Variants in SOX30 observed in about 807,000 individuals in gnomAD.
The protein encoded by SOX30 is SRY-box transcription factor 30.
In SOX30, 17 loss-of-function variants were observed where a neutral mutation model predicts 58.6. The ratio of observed to expected loss-of-function variants is 0.29; its 90% CI spans 0.20 to 0.44. SOX30 has a LOEUF of 0.44. SOX30 is among the 20% of genes least tolerant of loss of function. The pLI is 1.00. For missense variants in SOX30, 951 were observed against 965.8 expected, an observed-to-expected ratio of 0.98 and a Z score of 0.20; for synonymous variants, 421 against 400.2, an observed-to-expected ratio of 1.05 and a Z score of -0.62.
intron 4 of SOX30, among the ~76,000 whole-genome samples, chr5:157,629,032 G>A (rs185256597): frequency 6.6e-6 from 1 of 152,280 alleles, no homozygotes; most frequent in East Asian, 1.9e-4. Flanking sequence ...GATGAAAAGA[G>A]GCTGACTATG....
At chr5:157,632,244 T>C (rs189555025) in intron 4 of SOX30, among the ~76,000 whole-genome samples, 6 of 152,158 alleles carry the variant, frequency 3.9e-5, no homozygotes, top group Non-Finnish European at 4.4e-5. Context: ...TCTCTGATCC[T>C]TTCAGGTGGT....
chr5:157,628,505 C>T (rs1403977371), intron 4 of SOX30, among the ~76,000 whole-genome samples: 1 of 152,030 alleles, frequency 6.6e-6, no homozygotes, highest in Non-Finnish European at 1.5e-5. Context: ...CCCAAATCTT[C>T]AAGTGCTAGG....
intron 2 of SOX30, among the ~76,000 whole-genome samples, chr5:157,666,567 G>A (rs972540717): frequency 2.0e-5 from 3 of 150,482 alleles, no homozygotes; most frequent in Admixed American, 2.0e-4. Flanking sequence ...TCCCATTCAG[G>A]TCATCAAAAT....
chr5:157,663,704 C>A (rs1203816317), intron 2 of SOX30, among the ~76,000 whole-genome samples: 3 of 152,174 alleles, frequency 2.0e-5, no homozygotes, highest in Non-Finnish European at 4.4e-5. Context: ...TTAGAAAACC[C>A]CATTGTCTCA....
At chr5:157,647,544 G>A (rs1759222741) in intron 2 of SOX30, among the ~76,000 whole-genome samples, 1 of 151,758 alleles carries the variant, frequency 6.6e-6, no homozygotes, top group African/African-American at 2.4e-5. Context: ...CAATGCAATA[G>A]TCACTAATGA....
chr5:157,640,693 G>T lies in SOX30; in HGVS notation c.1388-1971C>A, dbSNP rs1231838168. On this transcript the variant is annotated intron_variant, in intron 3 of 4. Coordinates refer to ENST00000265007, the MANE Select transcript of SOX30 (RefSeq NM_178424.2). ...GCCTCCTGGCAAATTCTAGAATGAC[G>T]ATCTAGAATTAGAATGACGATCCTA... Among the ~76,000 whole-genome samples, 7 of 152,134 alleles carry T rather than the reference G, an allele frequency of 4.6e-5. No individual in the cohort carries two copies. In the South Asian group the frequency reaches 6.2e-4, roughly 13 times the overall value.
chr5:157,652,117 C>T lies in SOX30; in HGVS notation c.-39G>A. The T allele has an allele frequency of 1.4e-6, 2 of 1,385,574 alleles. No individual in the cohort carries two copies. Among genetic ancestry groups the T allele is most frequent in the Non-Finnish European group, 1.9e-6 (2 of 1,077,820 alleles). 85.8% of individuals were successfully genotyped at this position (1,385,574 alleles called of 1,614,324 possible). On this transcript the variant is annotated 5_prime_UTR_variant, in exon 1 of 5. Coordinates refer to ENST00000265007, the MANE Select transcript of SOX30 (RefSeq NM_178424.2). ...GCCCCGGCCAGGATTGTGAGCTCAG[C>T]CGTTTGTTGGCGACCTTCCCCCTCC...
intron 3 of SOX30, among the ~76,000 whole-genome samples, chr5:157,641,995 G>A (rs1759074318): frequency 6.6e-6 from 1 of 152,140 alleles, no homozygotes; most frequent in Non-Finnish European, 1.5e-5. Context: ...AGAACAAAAA[G>A]GTTTGGTAGA....
Position 157,626,718 on chromosome 5 carries a change from T to C in SOX30, c.1884A>G (p.Thr628=), listed in dbSNP as rs2113828947. ...CAAAGGGAGGCCGACTGTAAGGGCA[T>C]GTACTGCAGCAGAAAAACACAAACA... is the stretch of plus-strand genomic sequence containing the variant. ...LPGPHYFPSS[T]CPYSRPPFGY... The change falls in exon 5 of 5, where the codon ACA becomes ACG. Residue 628 remains threonine (T), a synonymous_variant. Coordinates refer to ENST00000265007, the MANE Select transcript of SOX30 (RefSeq NM_178424.2). 3 of 1,592,712 alleles carry C rather than the reference T, an allele frequency of 1.9e-6. No individual in the cohort carries two copies. Among genetic ancestry groups the C allele is most frequent in the Admixed American group, 1.8e-5 (1 of 56,154 alleles).
intron 2 of SOX30, among the ~76,000 whole-genome samples, chr5:157,663,842 A>G (rs1759619233): frequency 6.6e-6 from 1 of 152,198 alleles, no homozygotes; most frequent in Non-Finnish European, 1.5e-5. Context: ...GTGAACTCCC[A>G]TTCACAATTG....
chr5:157,637,133 C>CAAAAAAA (rs1203322529), intron 4 of SOX30, among the ~76,000 whole-genome samples: 3 of 62,826 alleles, frequency 4.8e-5, no homozygotes, highest in African/African-American at 1.1e-4. Context: ...AACTCCGCCT[C>CAAAAAAA]AAAAAAAAAA....
In SOX30 at chr5:157,651,633, G is replaced by A; in HGVS notation, c.446C>T (p.Ser149Leu). The change falls in exon 1 of 5, where the codon TCA becomes TTA. Residue 149 changes from serine to leucine, a missense_variant. Ser to Leu is a moderately radical substitution (Grantham distance 145). This residue lies in a region of SOX30 where 363 missense variants were observed against 294.5 expected (regional missense o/e 1.23). Coordinates refer to ENST00000265007, the MANE Select transcript of SOX30 (RefSeq NM_178424.2). ...TTCGACGGCCCCTCGAGGCCCCACTGACTGATCCAGGCTGGGCCCCAGCTT... is the reference window on the plus strand; with the variant it reads ...TTCGACGGCCCCTCGAGGCCCCACTAACTGATCCAGGCTGGGCCCCAGCTT... Reference protein sequence around the residue: ...KQKLGPSLDQSVGPRGAVETG... With the variant: ...KQKLGPSLDQLVGPRGAVETG... The A allele has an allele frequency of 6.2e-7, 1 of 1,612,598 alleles. No individual in the cohort carries two copies.
Position 157,625,721 on chromosome 5 carries a change from G to C in SOX30, c.*619C>G, listed in dbSNP as rs1758632210. 1 of 152,516 alleles carries C rather than the reference G, an allele frequency of 6.6e-6. No individual in the cohort carries two copies. Among genetic ancestry groups the C allele is most frequent in the Non-Finnish European group, 1.5e-5 (1 of 68,010 alleles). 9.4% of individuals were successfully genotyped at this position (152,516 alleles called of 1,614,324 possible). On this transcript the variant is annotated 3_prime_UTR_variant, in exon 5 of 5. Coordinates refer to ENST00000265007, the MANE Select transcript of SOX30 (RefSeq NM_178424.2). Reference sequence around the variant, plus strand: ...TTATTTAATTACAACAAAGAACGATGTATGCCAAATGGAAAAAAAATATTT... The same window carrying C: ...TTATTTAATTACAACAAAGAACGATCTATGCCAAATGGAAAAAAAATATTT...
At chr5:157,667,279 A>G (rs756072503) in intron 2 of SOX30, among the ~76,000 whole-genome samples, 3 of 152,236 alleles carry the variant, frequency 2.0e-5, no homozygotes, top group African/African-American at 7.2e-5. Context: ...CTGAAGTTCT[A>G]TGATGGTGGC....
chr5:157,651,278 G>A lies in SOX30; in HGVS notation c.801C>T (p.Val267=), dbSNP rs752852212. The A allele has an allele frequency of 1.2e-6, 2 of 1,614,130 alleles. No homozygotes were observed. Among genetic ancestry groups the A allele is most frequent in the Non-Finnish European group, 1.7e-6 (2 of 1,180,040 alleles). ...GAAACTGGATCCGGGCCCCAGGGGG[G>A]ACCGTGTGGAGCGTCAAAGGGATCC... ...DLRIPLTLHT[V]PPGARIQFQG... Residue 267 remains valine, a synonymous_variant, in exon 1 of 5, where the codon GTC becomes GTT. Coordinates refer to ENST00000265007, the MANE Select transcript of SOX30 (RefSeq NM_178424.2).
chr5:157,641,694 C>A (rs899760430), intron 3 of SOX30, among the ~76,000 whole-genome samples: 3 of 152,256 alleles, frequency 2.0e-5, no homozygotes, highest in African/African-American at 7.2e-5. Context: ...TCTATACTTG[C>A]TACGACTACC....
Position 157,651,687 on chromosome 5 carries a change from A to C in SOX30, c.392T>G (p.Leu131Arg), listed in dbSNP as rs199892618. Residue 131 changes from leucine to arginine, a missense_variant, in exon 1 of 5, where the codon CTG (leucine) becomes CGG (arginine). Transcript: ENST00000265007. ...SRPELHPVQPLALHVKAKKQK... is the reference protein window; with the variant it reads ...SRPELHPVQPRALHVKAKKQK... ...CTTCTTGGCCTTGACATGCAGCGCC[A>C]GGGGCTGCACCGGGTGCAACTCGGG... The C allele has an allele frequency of 3.9e-5, 62 of 1,602,460 alleles. No homozygotes were observed. In the Middle Eastern group the frequency reaches 5.0e-4, roughly 13 times the overall value.
chr5:157,658,898 A>G (rs1205615862), intron 2 of SOX30, among the ~76,000 whole-genome samples: 9 of 152,196 alleles, frequency 5.9e-5, no homozygotes, highest in African/African-American at 2.2e-4. Flanking sequence ...TACAGGTCAT[A>G]AACAGCTTGC....
At chr5:157,629,921 A>G (rs1040703565) in intron 4 of SOX30, among the ~76,000 whole-genome samples, 6 of 152,234 alleles carry the variant, frequency 3.9e-5, no homozygotes, top group East Asian at 1.9e-4. Context: ...GCTATGCCAC[A>G]TAAGAATCTG....
Sources: allele counts gnomAD v4.1 joint callset (sites outside exome capture counted in the v4.1 genomes callset), GRCh38; gene constraint gnomAD v4.1.1; regional missense constraint gnomAD v4.1.1; transcripts MANE v1.5; gene names NCBI Gene and HGNC (gene_info 2026-07-23, HGNC 2026-07-21).